MAPK10: variants seen among roughly 807,000 people sequenced by gnomAD.
MAPK10 encodes the protein mitogen-activated protein kinase 10.
MAPK10 carries 25 observed loss-of-function variants against 59.3 expected under a neutral mutation model. The observed-to-expected ratio is 0.42, with a 90% CI of 0.31 to 0.59. The LOEUF (loss-of-function observed/expected upper bound fraction) is 0.59. Ranked by LOEUF, MAPK10 falls within the 20% of genes least tolerant of loss-of-function variation. The pLI is 0.15. For missense variants in MAPK10, 351 were observed against 568.9 expected (o/e 0.62, Z 3.90); for synonymous variants, 190 against 200.5 (o/e 0.95, Z 0.44).
At position 86,200,127 on chromosome 4, in the gene MAPK10, A is replaced by C. The variant is rs114483829; in HGVS notation, c.-6-5720T>G. 5.5e-3 allele frequency among the ~76,000 whole-genome samples: 840 copies of C among 152,136 alleles called. 8 individuals carry two copies. The highest frequency in any genetic ancestry group is 0.019 in the African/African-American group (807 of 41,516). On this transcript the variant is annotated intron_variant, in intron 2 of 13. Transcript: ENST00000641462. ...TGCGTGTCCAGGGATTTTATGTATA[A>C]TTTTTGCCAGACAGTAACCACTACT...
intron 1 of MAPK10, among the ~76,000 whole-genome samples, chr4:86,547,289 C>T (rs796499593): frequency 6.6e-5 from 10 of 152,302 alleles, no homozygotes; most frequent in African/African-American, 1.9e-4. Flanking sequence ...AGGCCGGAGC[C>T]GGCTCCCTCA....
chr4:86,112,827 C>T (rs893714734), intron 4 of MAPK10, among the ~76,000 whole-genome samples: 42 of 152,098 alleles, frequency 2.8e-4, no homozygotes, highest in African/African-American at 9.9e-4. Flanking sequence ...AAAGTTTCCA[C>T]TATTACTGTG....
rs1741432472 is a variant in MAPK10, at chr4:86,011,543, G to A, written c.*5685C>T. The stretch of plus-strand genomic sequence containing the variant: ...CTTGGTCAAAATTACCAAATGTTTG[G>A]TAACCATTTATGGTATCAGGAATGC... On this transcript the variant is annotated 3_prime_UTR_variant, in exon 14 of 14. Coordinates refer to ENST00000641462, the MANE Select transcript of MAPK10 (RefSeq NM_138982.4). 6.6e-6 allele frequency: 1 copy of A among 152,138 alleles called. No individual in the cohort carries two copies. The highest frequency in any genetic ancestry group is 1.5e-5 in the Non-Finnish European group (1 of 68,024). 9.4% of individuals were successfully genotyped at this position (152,138 alleles called of 1,614,324 possible).
In MAPK10 at chr4:86,194,364, G is replaced by A. The variant is rs139986995; in HGVS notation, c.38C>T (p.Thr13Ile). 4 of 1,613,302 alleles carry A rather than the reference G, an allele frequency of 2.5e-6. No individual in the cohort carries two copies. Among genetic ancestry groups the A allele is most frequent in the Non-Finnish European group, 3.4e-6 (4 of 1,179,294 alleles). Residue 13 changes from threonine (T) to isoleucine (I), a missense_variant, in exon 3 of 14, where the codon ACA (threonine) becomes ATA (isoleucine). By Grantham distance (89) the Thr-to-Ile change is moderately conservative. This residue lies in a region of MAPK10 where 61 missense variants were observed against 58.4 expected (regional missense o/e 1.05). Transcript: ENST00000641462. The stretch of plus-strand genomic sequence containing the variant: ...ACAAAAGGCAATTTTCACATCCAAT[G>A]TTGGTTCACTGCAGTAGTATAAGAA... ...LHFLYYCSEP[T>I]LDVKIAFCQG... is the part of the protein sequence containing the mutation.
chr4:86,062,139 C>T (rs905768928), intron 11 of MAPK10, among the ~76,000 whole-genome samples: 7 of 152,078 alleles, frequency 4.6e-5, no homozygotes, highest in Non-Finnish European at 8.8e-5. Flanking sequence ...TCATGATTCC[C>T]ATCTCTTCAC....
chr4:86,330,511 A>G (rs1348358166), intron 2 of MAPK10, among the ~76,000 whole-genome samples: 1 of 152,136 alleles, frequency 6.6e-6, no homozygotes, highest in Admixed American at 6.6e-5. Flanking sequence ...TAATTGAATC[A>G]TGGGGGCGGT....
intron 1 of MAPK10, among the ~76,000 whole-genome samples, chr4:86,487,140 G>A (rs1188441775): frequency 1.3e-5 from 2 of 152,146 alleles, no homozygotes; most frequent in Non-Finnish European, 2.9e-5. Flanking sequence ...ACTGGAAGGG[G>A]AAAATGCCAT....
rs200417872 is a variant in MAPK10 at position 86,030,953 on chromosome 4, ACTAT to A, written c.1174+411_1174+414del. 7.2e-3 allele frequency among the ~76,000 whole-genome samples: 1,099 copies of A among 152,296 alleles called. 12 individuals are homozygous for A. Among genetic ancestry groups the A allele is most frequent in the African/African-American group, 0.025 (1,025 of 41,560 alleles). On this transcript the variant is annotated intron_variant, in intron 12 of 13. Transcript: ENST00000641462. ...ATCCAATGAGTAAACTCATATATTG[ACTAT>A]CTTTTATTTTCTAAAGTCTAAAACC...
chr4:86,322,015 T>C (rs917424819), intron 2 of MAPK10: 2 of 152,096 alleles, frequency 1.3e-5, no homozygotes, highest in African/African-American at 4.8e-5. Context: ...CTTTTTTAAA[T>C]AGAAAAATTG....
At chr4:86,315,608 G>A (rs1298454782) in intron 2 of MAPK10, among the ~76,000 whole-genome samples, 2 of 152,128 alleles carry the variant, frequency 1.3e-5, no homozygotes, top group Non-Finnish European at 2.9e-5. Flanking sequence ...ACCCAACAAT[G>A]TAAACATTTT....
At chr4:86,170,901 G>C (rs1581820445) in intron 3 of MAPK10, 1 of 151,236 alleles carries the variant, frequency 6.6e-6, no homozygotes, top group African/African-American at 2.4e-5. Flanking sequence ...AATCAAACTA[G>C]AACTCAGGAT....
At chr4:86,270,253 G>T (rs2094392121) in intron 2 of MAPK10, among the ~76,000 whole-genome samples, 1 of 151,940 alleles carries the variant, frequency 6.6e-6, no homozygotes, top group African/African-American at 2.4e-5. Flanking sequence ...GAAATAAAGA[G>T]ATTAGTTTGA....
At chr4:86,484,877 A>C (rs1435178774) in intron 1 of MAPK10, among the ~76,000 whole-genome samples, 3 of 152,212 alleles carry the variant, frequency 2.0e-5, no homozygotes, top group Non-Finnish European at 4.4e-5. Context: ...TCTCTTGTGT[A>C]CTACAGAGAA....
intron 2 of MAPK10, among the ~76,000 whole-genome samples, chr4:86,327,876 G>A (rs1258275325): frequency 6.6e-6 from 1 of 151,162 alleles, no homozygotes; most frequent in East Asian, 1.9e-4. Context: ...CTTGAACCCA[G>A]GAGGTGGAGG....
chr4:86,199,152 C>T (rs1156749934), intron 2 of MAPK10, among the ~76,000 whole-genome samples: 1 of 151,308 alleles, frequency 6.6e-6, no homozygotes, highest in Non-Finnish European at 1.5e-5. Context: ...GCATAGCCTA[C>T]AACACAATAA....
At chr4:86,216,296 A>G (rs1249160756) in intron 2 of MAPK10, among the ~76,000 whole-genome samples, 1 of 49,670 alleles carries the variant, frequency 2.0e-5, no homozygotes, top group African/African-American at 1.7e-4. Context: ...TATATATAGC[A>G]TATATATATA....
At chr4:86,465,304 C>T (rs368979547) in intron 1 of MAPK10, among the ~76,000 whole-genome samples, 4 of 152,150 alleles carry the variant, frequency 2.6e-5, no homozygotes, top group Non-Finnish European at 4.4e-5. Flanking sequence ...ACAGATAATG[C>T]CCCAGACTAT....
In MAPK10 at chr4:86,107,569, A is replaced by T. The variant is rs2056769297; in HGVS notation, c.237-217T>A. 6 of 1,163,330 alleles carry T rather than the reference A, an allele frequency of 5.2e-6. No individual in the cohort carries two copies. In the African/African-American group the frequency reaches 9.6e-5, roughly 19 times the overall value. 72.1% of individuals were successfully genotyped at this position (1,163,330 alleles called of 1,614,324 possible). On this transcript the variant is annotated intron_variant, in intron 4 of 13. Transcript: ENST00000641462. Reference sequence around the variant, plus strand: ...GATGAAGAAGAGTTGGAGGAAGGGAAGAAGGAGAAACAGGAGAAGGGGGGA... The same window carrying T: ...GATGAAGAAGAGTTGGAGGAAGGGATGAAGGAGAAACAGGAGAAGGGGGGA...
intron 1 of MAPK10, among the ~76,000 whole-genome samples, chr4:86,581,898 ATTATAT>A (rs1242079231): frequency 2.1e-5 from 2 of 97,450 alleles, no homozygotes; most frequent in African/African-American, 4.0e-5. Context: ...AGCTATATAT[ATTATAT>A]ATATATATAT....
Sources: gnomAD v4.1 joint callset for allele counts (sites outside exome capture counted in the v4.1 genomes callset) on GRCh38, gnomAD v4.1.1 for gene constraint, gnomAD v4.1.1 regional missense constraint, MANE v1.5 for transcripts, NCBI Gene and HGNC (gene_info 2026-07-23, HGNC 2026-07-21) for gene names.